DIAPH3: variants seen among roughly 807,000 people sequenced by gnomAD.
DIAPH3 encodes the protein protein diaphanous homolog 3.
Under a neutral mutation model 144.3 loss-of-function variants are expected in DIAPH3, and 117 were observed. That is an observed-to-expected ratio of 0.81 (90% CI 0.70 to 0.95). DIAPH3 has a LOEUF of 0.95. DIAPH3 is among the 40% of genes least tolerant of loss of function. The probability of loss-of-function intolerance (pLI) is 0.00; values close to 1 mark genes in which losing one functional copy is unlikely to be tolerated. For missense variants in DIAPH3, 1,421 were observed against 1,412.7 expected, an observed-to-expected ratio of 1.01 and a Z score of -0.09; for synonymous variants, 519 against 488.9, an observed-to-expected ratio of 1.06 and a Z score of -0.81.
intron 18 of DIAPH3, among the ~76,000 whole-genome samples, chr13:59,917,722 C>T (rs1240971376): frequency 6.6e-6 from 1 of 151,436 alleles, no homozygotes; most frequent in Non-Finnish European, 1.5e-5. Flanking sequence ...AACTCCACCT[C>T]TACTAAAAAT....
intron 21 of DIAPH3, 102 bp from the exon 22 acceptor site, chr13:59,861,638 AG>A: frequency 7.7e-7 from 1 of 1,297,710 alleles, no homozygotes; most frequent in Non-Finnish European, 1.1e-6. Flanking sequence ...AAGGACTAAA[AG>A]TTGTAAAATT....
chr13:60,009,969 T>C (rs919795396), intron 8 of DIAPH3, among the ~76,000 whole-genome samples: 2 of 152,220 alleles, frequency 1.3e-5, no homozygotes, highest in African/African-American at 4.8e-5. Context: ...ATAATTATCT[T>C]TAATATGTAT....
At chr13:59,750,219 C>T (rs7998309) in intron 27 of DIAPH3, among the ~76,000 whole-genome samples, 44,764 of 151,936 alleles carry the variant, frequency 0.29, 7,134 homozygotes, top group African/African-American at 0.41. Flanking sequence ...AAGGCACATA[C>T]GTTAAATTTA....
At chr13:59,992,270 A>C in intron 10 of DIAPH3, 84 bp from the exon 11 acceptor site, 1 of 1,188,718 alleles carries the variant, frequency 8.4e-7, no homozygotes, top group Non-Finnish European at 1.2e-6. Flanking sequence ...CAATAAACCA[A>C]CCATTCAACT....
chr13:60,023,156 G>C (rs1287928878), intron 5 of DIAPH3, among the ~76,000 whole-genome samples: 1 of 152,202 alleles, frequency 6.6e-6, no homozygotes. Flanking sequence ...AAATTCTCCA[G>C]TGAAATCACC....
chr13:60,036,797 GGAGTA>G lies in DIAPH3; in HGVS notation c.626+5888_626+5892del, dbSNP rs375326011. Among the ~76,000 whole-genome samples, 28 of 152,058 alleles carry G rather than the reference GGAGTA, an allele frequency of 1.8e-4. No homozygotes were observed. The South Asian group carries it at 5.4e-3, about 29-fold the overall frequency. ...CAAATCTAAAAAACATATCCAGAAT[GGAGTA>G]GAGAGAGACAAATAAATGCAAAGTA... On this transcript the variant is annotated intron_variant, in intron 5 of 27. Coordinates refer to ENST00000400324, the MANE Select transcript of DIAPH3 (RefSeq NM_001042517.2).
chr13:60,092,544 C>G (rs1187874831), intron 4 of DIAPH3, among the ~76,000 whole-genome samples: 4 of 151,930 alleles, frequency 2.6e-5, no homozygotes, highest in Non-Finnish European at 5.9e-5. Flanking sequence ...CCAGCTACTC[C>G]GGAGGCTGAG....
At chr13:59,741,670 T>C (rs759655482) in intron 27 of DIAPH3, among the ~76,000 whole-genome samples, 1 of 149,152 alleles carries the variant, frequency 6.7e-6, no homozygotes, top group Non-Finnish European at 1.5e-5. Flanking sequence ...TAAGCCGTGA[T>C]TGCACCACTG....
chr13:60,014,687 T>C (rs1338724857), intron 7 of DIAPH3, among the ~76,000 whole-genome samples: 4 of 152,128 alleles, frequency 2.6e-5, no homozygotes, highest in African/African-American at 9.6e-5. Flanking sequence ...ATATTATAAT[T>C]AAAATTAATC....
intron 14 of DIAPH3, among the ~76,000 whole-genome samples, chr13:59,980,135 A>G (rs2050909240): frequency 6.6e-6 from 1 of 151,590 alleles, no homozygotes; most frequent in Non-Finnish European, 1.5e-5. Flanking sequence ...AAAGAAAAGT[A>G]AGGAATTGGC....
At chr13:60,054,908 TTA>T (rs1031506889) in intron 4 of DIAPH3, among the ~76,000 whole-genome samples, 6 of 152,082 alleles carry the variant, frequency 3.9e-5, no homozygotes, top group Admixed American at 6.6e-5. Flanking sequence ...ATAAAATCTG[TTA>T]TTCACAGATA....
chr13:59,850,415 C>T (rs1462560938), intron 22 of DIAPH3, among the ~76,000 whole-genome samples: 2 of 151,740 alleles, frequency 1.3e-5, no homozygotes, highest in Admixed American at 6.6e-5. Flanking sequence ...AAAGGGAATG[C>T]TTCCAGTTTT....
intron 22 of DIAPH3, among the ~76,000 whole-genome samples, chr13:59,853,090 A>T (rs1273875319): frequency 6.6e-6 from 1 of 152,184 alleles, no homozygotes; most frequent in African/African-American, 2.4e-5. Flanking sequence ...GGAAGCTCAG[A>T]CAGAATAAGA....
At chr13:60,010,963 G>T (rs2053211310) in intron 7 of DIAPH3, among the ~76,000 whole-genome samples, 1 of 151,906 alleles carries the variant, frequency 6.6e-6, no homozygotes. Context: ...AAATTAGCCA[G>T]GCATGGTGGT....
chr13:59,871,427 G>A lies in DIAPH3; in HGVS notation c.2607+7802C>T, dbSNP rs574545699. 7.2e-5 allele frequency among the ~76,000 whole-genome samples: 11 copies of A among 152,192 alleles called. 1 individual carries two copies. Among genetic ancestry groups the A allele is most frequent in the East Asian group, 3.9e-4 (2 of 5,170 alleles). ...ACCATTAAGTATGATGCTAGCTGTC[G>A]ATTTTATGTAGATGTTCTTTATCAA... is the stretch of plus-strand genomic sequence containing the variant. On this transcript the variant is annotated intron_variant, in intron 21 of 27. Coordinates refer to ENST00000400324, the MANE Select transcript of DIAPH3 (RefSeq NM_001042517.2).
chr13:59,833,236 TGTCTCATATTG>T lies in DIAPH3; in HGVS notation c.2887_2897del (p.Gln963ThrfsTer22). The T allele has an allele frequency of 6.2e-7, 1 of 1,609,286 alleles. No individual in the cohort carries two copies. Among genetic ancestry groups the T allele is most frequent in the Non-Finnish European group, 8.5e-7 (1 of 1,177,152 alleles). On this transcript the variant is annotated frameshift_variant, in exon 24 of 28. Coordinates refer to ENST00000400324, the MANE Select transcript of DIAPH3 (RefSeq NM_001042517.2). LOFTEE classifies it high-confidence loss of function. ...CCATGTTTTCGTGTAACTTCGAAAGTGTCTCATATTGTTCTTTTGCACTGATAACAAATCTG... is the reference window on the plus strand; with the variant it reads ...CCATGTTTTCGTGTAACTTCGAAAGTTTCTTTTGCACTGATAACAAATCTG...
At chr13:59,777,926 G>A (rs551235014) in intron 25 of DIAPH3, among the ~76,000 whole-genome samples, 35 of 152,258 alleles carry the variant, frequency 2.3e-4, no homozygotes, top group African/African-American at 8.4e-4. Flanking sequence ...TATATATGAC[G>A]TTATTGGGAT....
At chr13:59,709,794 G>C (rs1052209778) in intron 27 of DIAPH3, among the ~76,000 whole-genome samples, 5 of 152,068 alleles carry the variant, frequency 3.3e-5, no homozygotes, top group Non-Finnish European at 7.4e-5. Flanking sequence ...ACACATGCAC[G>C]TGTATGTTTA....
chr13:59,882,956 G>C (rs1316085382), intron 20 of DIAPH3, among the ~76,000 whole-genome samples: 2 of 152,140 alleles, frequency 1.3e-5, no homozygotes, highest in African/African-American at 4.8e-5. Context: ...ATGAAGAGAT[G>C]TTAAAAGCAG....
Sources: gnomAD v4.1 joint callset for allele counts (sites outside exome capture counted in the v4.1 genomes callset) on GRCh38, gnomAD v4.1.1 for gene constraint, MANE v1.5 for transcripts, NCBI Gene and HGNC (gene_info 2026-07-23, HGNC 2026-07-21) for gene names.